SYT14: variants seen among roughly 807,000 people sequenced by gnomAD.
The protein encoded by SYT14 is synaptotagmin 14.
In SYT14, 32 loss-of-function variants were observed where a neutral mutation model predicts 74.2. The ratio of observed to expected loss-of-function variants is 0.43; its 90% confidence interval spans 0.33 to 0.58. The LOEUF (loss-of-function observed/expected upper bound fraction) is 0.58. Ranked by LOEUF, SYT14 falls within the 20% of genes least tolerant of loss-of-function variation. SYT14 has a pLI of 0.05. For missense variants in SYT14, 791 were observed against 981.8 expected (o/e 0.81, Z 2.60); for synonymous variants, 298 against 337.7 (o/e 0.88, Z 1.29).
chr1:210,169,761 A>G (rs2083502828), exon 10 of SYT14: 1 of 152,106 alleles, frequency 6.6e-6, no homozygotes, highest in Non-Finnish European at 1.5e-5. Flanking sequence ...AATAGTTATT[A>G]TATGAGTTTT....
chr1:210,084,646 T>C (rs2081685329), intron 5 of SYT14, among the ~76,000 whole-genome samples: 1 of 152,200 alleles, frequency 6.6e-6, no homozygotes, highest in Non-Finnish European at 1.5e-5. Context: ...GGTCAGTAAA[T>C]GTATTCCTGT....
At chr1:209,982,830 C>T (rs1033431004) in intron 2 of SYT14, among the ~76,000 whole-genome samples, 11 of 152,172 alleles carry the variant, frequency 7.2e-5, no homozygotes, top group African/African-American at 2.4e-4. Context: ...AATGAGGATT[C>T]CTGTTGCTCC....
intron 5 of SYT14, among the ~76,000 whole-genome samples, chr1:210,075,035 G>C (rs780238177): frequency 1.3e-5 from 2 of 152,186 alleles, no homozygotes; most frequent in Non-Finnish European, 2.9e-5. Context: ...TTTATTGAGC[G>C]CAAGTAGCTC....
At chr1:209,984,437 G>T (rs1036814024) in intron 2 of SYT14, among the ~76,000 whole-genome samples, 7 of 152,112 alleles carry the variant, frequency 4.6e-5, no homozygotes, top group African/African-American at 1.4e-4. Flanking sequence ...TTTCAGTGGA[G>T]GTACATACCC....
chr1:210,049,092 C>G (rs1481466765), intron 5 of SYT14, among the ~76,000 whole-genome samples: 1 of 152,234 alleles, frequency 6.6e-6, no homozygotes, highest in Admixed American at 6.5e-5. Context: ...AGCCTCCTTC[C>G]TGGCTGCTTT....
intron 7 of SYT14, among the ~76,000 whole-genome samples, chr1:210,142,481 G>A (rs1268232282): frequency 6.6e-6 from 1 of 152,128 alleles, no homozygotes; most frequent in Non-Finnish European, 1.5e-5. Context: ...GCCTGTAAGG[G>A]TGTTTGAGTA....
At chr1:210,068,627 A>G (rs779919300) in intron 5 of SYT14, among the ~76,000 whole-genome samples, 29 of 151,608 alleles carry the variant, frequency 1.9e-4, no homozygotes, top group Non-Finnish European at 3.5e-4. Context: ...GGTAAATTAT[A>G]TTTTTCCAAA....
At chr1:210,081,084 G>A (rs2081607274) in intron 5 of SYT14, among the ~76,000 whole-genome samples, 1 of 152,164 alleles carries the variant, frequency 6.6e-6, no homozygotes, top group African/African-American at 2.4e-5. Flanking sequence ...GCCAGTGTAC[G>A]GCTGTGACTG....
exon 10 of SYT14, chr1:210,163,207 G>T (rs975585278): frequency 2.2e-6 from 1 of 452,828 alleles, no homozygotes; most frequent in Non-Finnish European, 4.4e-6. Flanking sequence ...GACCAGCTTG[G>T]TGCTTTCACT....
At chr1:210,162,092 G>A (rs1349982469) in exon 10 of SYT14, 7 of 438,258 alleles carry the variant, frequency 1.6e-5, no homozygotes, top group South Asian at 1.1e-4. Flanking sequence ...TTATATTTGT[G>A]ATATGAAGAC....
At chr1:210,106,653 A>G (rs945461846) in intron 7 of SYT14, among the ~76,000 whole-genome samples, 2 of 152,154 alleles carry the variant, frequency 1.3e-5, no homozygotes, top group Admixed American at 6.5e-5. Flanking sequence ...TGAGAACAGC[A>G]TAAGGGTAAC....
At chr1:210,114,822 G>A (rs933362661) in intron 7 of SYT14, among the ~76,000 whole-genome samples, 1 of 151,002 alleles carries the variant, frequency 6.6e-6, no homozygotes, top group Non-Finnish European at 1.5e-5. Flanking sequence ...ATTATAGGGT[G>A]GGGGAGCAGA....
At chr1:210,066,732 A>T (rs1008914577) in intron 5 of SYT14, among the ~76,000 whole-genome samples, 3 of 152,102 alleles carry the variant, frequency 2.0e-5, no homozygotes, top group African/African-American at 7.2e-5. Flanking sequence ...TAGTTTAATT[A>T]GATCCCATTT....
At chr1:210,119,144 T>G (rs901374031) in intron 7 of SYT14, among the ~76,000 whole-genome samples, 10 of 152,206 alleles carry the variant, frequency 6.6e-5, no homozygotes, top group African/African-American at 1.2e-4. Flanking sequence ...ACATTGCTTG[T>G]AATCTTTCCT....
intron 5 of SYT14, among the ~76,000 whole-genome samples, chr1:210,076,759 C>G (rs189894286): frequency 9.2e-5 from 14 of 152,032 alleles, no homozygotes; most frequent in African/African-American, 3.4e-4. Context: ...GTGCTACACA[C>G]GTTTAAACAG....
chr1:209,997,374 G>A (rs1297844692), intron 2 of SYT14, among the ~76,000 whole-genome samples: 3 of 151,920 alleles, frequency 2.0e-5, no homozygotes, highest in Non-Finnish European at 4.4e-5. Flanking sequence ...ATTCATAATA[G>A]CCACACAAAA....
chr1:210,114,307 G>A (rs968440643), intron 7 of SYT14, among the ~76,000 whole-genome samples: 5 of 151,518 alleles, frequency 3.3e-5, no homozygotes, highest in African/African-American at 7.4e-5. Context: ...CTGAAGGAAC[G>A]CCTGACCACT....
At chr1:210,103,051 A>G (rs2082097008) in intron 7 of SYT14, among the ~76,000 whole-genome samples, 1 of 152,172 alleles carries the variant, frequency 6.6e-6, no homozygotes, top group East Asian at 1.9e-4. Flanking sequence ...AAAAGTTTTA[A>G]TCCAGCCAAA....
exon 10 of SYT14, chr1:210,163,452 A>T (rs937502807): frequency 2.2e-6 from 1 of 453,826 alleles, no homozygotes; most frequent in Admixed American, 2.3e-5. Context: ...GAGTGTATGT[A>T]TCTGTATACA....
Sources: gnomAD v4.1 joint callset for allele counts (sites outside exome capture counted in the v4.1 genomes callset) on GRCh38, gnomAD v4.1.1 for gene constraint, MANE v1.5 for transcripts, NCBI Gene and HGNC (gene_info 2026-07-23, HGNC 2026-07-21) for gene names.